The following KIF1A variants were observed in gnomAD, a reference collection of about 807,000 sequenced individuals.
The protein encoded by KIF1A is kinesin-like protein KIF1A.
Under a neutral mutation model 227.3 loss-of-function variants are expected in KIF1A, and 46 were observed. The observed-to-expected ratio is 0.20, with a 90% CI of 0.16 to 0.26. The LOEUF (loss-of-function observed/expected upper bound fraction) is 0.26, where lower values mean the gene tolerates loss of function less well. Ranked by LOEUF, KIF1A falls within the 10% of genes least tolerant of loss-of-function variation. The pLI, the probability that KIF1A is intolerant of heterozygous loss-of-function variation, is 1.00. For synonymous variants in KIF1A, 1,022 were observed against 1,012.8 expected (o/e 1.01, Z -0.17); for missense variants, 1,683 against 2,485.9 (o/e 0.68, Z 6.87).
chr2:240,715,574 T>A lies in KIF1A; in HGVS notation c.*1790A>T, dbSNP rs2044522291. 6.6e-6 allele frequency: 1 copy of A among 152,276 alleles called. No homozygotes were observed. Among genetic ancestry groups the A allele is most frequent in the African/African-American group, 2.4e-5 (1 of 41,406 alleles). 9.4% of individuals were successfully genotyped at this position (152,276 alleles called of 1,614,324 possible). On this transcript the variant is annotated 3_prime_UTR_variant, in exon 49 of 49. Coordinates refer to ENST00000498729, the MANE Select transcript of KIF1A (RefSeq NM_001244008.2). Reference sequence around the variant, plus strand: ...AGCCAGCATGGGCCCTGGCCTGCCCTGCACACCACTCTCGGAGATGGAACT... The same window carrying A: ...AGCCAGCATGGGCCCTGGCCTGCCCAGCACACCACTCTCGGAGATGGAACT...
chr2:240,715,900 C>T lies in KIF1A; in HGVS notation c.*1464G>A, dbSNP rs1023172162. ...CACGGGCCACGGCGGGAGAGGGGCTCTGTTGCTTGGCTACTGTCTTTCCTT... is the reference window on the plus strand; with the variant it reads ...CACGGGCCACGGCGGGAGAGGGGCTTTGTTGCTTGGCTACTGTCTTTCCTT... On this transcript the variant is annotated 3_prime_UTR_variant, in exon 49 of 49. Transcript: ENST00000498729. The T allele has an allele frequency of 6.6e-6, 1 of 152,332 alleles. No individual in the cohort carries two copies. Among genetic ancestry groups the T allele is most frequent in the East Asian group, 1.9e-4 (1 of 5,298 alleles). The allele number at this position is 152,332 out of a possible 1,614,324, so 9.4% of individuals were successfully genotyped here.
chr2:240,779,898 C>T (rs2053398738), intron 10 of KIF1A, among the ~76,000 whole-genome samples: 1 of 152,208 alleles, frequency 6.6e-6, no homozygotes, highest in South Asian at 2.1e-4. Context: ...CATGTTTCCC[C>T]CCAGGCCTCC....
Position 240,778,821 on chromosome 2 carries a change from C to T in KIF1A, c.883-2895G>A, listed in dbSNP as rs953147403. On this transcript the variant is annotated intron_variant, in intron 10 of 48. Transcript: ENST00000498729. This position sits in a 1 kb window ranked among gnomAD's most constrained non-coding sequence, Gnocchi z 7.2. ...GCTCCCCACGTTTCCCAAACAGCTC[C>T]TCCCGCCATGGCTCACACACTTCCT... Among the ~76,000 whole-genome samples the T allele has an allele frequency of 7.9e-5, 12 of 152,080 alleles. No individual in the cohort carries two copies. Among genetic ancestry groups the T allele is most frequent in the Admixed American group, 7.2e-4 (11 of 15,276 alleles).
intron 7 of KIF1A, among the ~76,000 whole-genome samples, chr2:240,784,521 C>T (rs538454900): frequency 2.0e-5 from 3 of 152,196 alleles, no homozygotes; most frequent in Non-Finnish European, 2.9e-5. Flanking sequence ...ATGTGCCTGG[C>T]GGACCTCCAG....
rs200623445 is a variant in KIF1A at position 240,719,724 on chromosome 2, C to G, written c.5021+50G>C. 4.0e-4 allele frequency: 595 copies of G among 1,469,552 alleles called. 1 individual carries two copies. The African/African-American group carries it at 7.5e-3, about 19-fold the overall frequency. 91.0% of individuals were successfully genotyped at this position (1,469,552 alleles called of 1,614,324 possible). ...GGGGAGCAGGGTGGCCTGCCTGTCC[C>G]CTGTCAGCACAGAGCTGGTGGCGGT... On this transcript the variant is annotated intron_variant, in intron 46 of 48. Coordinates refer to ENST00000498729, the MANE Select transcript of KIF1A (RefSeq NM_001244008.2).
At chr2:240,791,132 C>T (rs912466914) in intron 2 of KIF1A, among the ~76,000 whole-genome samples, 7 of 152,064 alleles carry the variant, frequency 4.6e-5, no homozygotes, top group Non-Finnish European at 1.0e-4. Context: ...GCCCTGTCCT[C>T]GGAGGTGAGA....
Position 240,725,872 on chromosome 2 carries a change from G to A in KIF1A, c.4123-468C>T, listed in dbSNP as rs1340122707. The A allele has an allele frequency of 6.3e-6, 1 of 158,618 alleles. No individual in the cohort carries two copies. The highest frequency in any genetic ancestry group is 1.4e-5 in the Non-Finnish European group (1 of 72,324). 9.8% of individuals were successfully genotyped at this position (158,618 alleles called of 1,614,324 possible). A position where few individuals can be genotyped will look rare whatever the true frequency, so the allele number is the denominator to read the frequency against. On this transcript the variant is annotated intron_variant, in intron 39 of 48. Transcript: ENST00000498729. This position sits in a 1 kb window ranked among gnomAD's most constrained non-coding sequence, Gnocchi z 5.8. The stretch of plus-strand genomic sequence containing the variant: ...GGCCCCTTTGTCTTCCTGAAGTGGG[G>A]GCAGCTGCTGTGCATGGCTGAAGAG...
chr2:240,742,897 T>C, intron 34 of KIF1A, 32 bp downstream of exon 34: 1 of 1,595,324 alleles, frequency 6.3e-7, no homozygotes, highest in Non-Finnish European at 8.6e-7. Context: ...GGGAGCTCAC[T>C]GCCCTGAGAC....
chr2:240,749,713 C>T (rs1004154378), intron 28 of KIF1A, among the ~76,000 whole-genome samples: 3 of 152,204 alleles, frequency 2.0e-5, no homozygotes, highest in South Asian at 2.1e-4. Context: ...CAACGGATCC[C>T]GTTTACATGT....
intron 1 of KIF1A, among the ~76,000 whole-genome samples, chr2:240,811,357 T>G (rs1481092153): frequency 6.6e-6 from 1 of 151,788 alleles, no homozygotes; most frequent in African/African-American, 2.4e-5. Context: ...AGCGTGAGAC[T>G]CCATCTCAAA....
In KIF1A at chr2:240,784,986, C is replaced by T. The variant is rs759856763; in HGVS notation, c.720+3G>A. 111 of 1,612,516 alleles carry T rather than the reference C, an allele frequency of 6.9e-5. No homozygotes were observed. The highest frequency in any genetic ancestry group is 9.2e-5 in the Non-Finnish European group (109 of 1,178,962). ...GGCACCGCCTGTGAGGCCACTCACT[C>T]ACCTTCTCCGTGGTGATATTGGTCT... On this transcript the variant is annotated splice_donor_region_variant and intron_variant, in intron 7 of 48. Coordinates refer to ENST00000498729, the MANE Select transcript of KIF1A (RefSeq NM_001244008.2).
At chr2:240,797,448 C>T (rs2056527194) in intron 2 of KIF1A, among the ~76,000 whole-genome samples, 199 bp downstream of exon 2, 1 of 152,298 alleles carries the variant, frequency 6.6e-6, no homozygotes, top group Admixed American at 6.5e-5. Flanking sequence ...CAGCTGTAAG[C>T]GTAAATCTCT....
intron 20 of KIF1A, among the ~76,000 whole-genome samples, chr2:240,763,751 C>A (rs1411635579): frequency 6.6e-6 from 1 of 152,228 alleles, no homozygotes; most frequent in Non-Finnish European, 1.5e-5. Flanking sequence ...CAGAGCACTG[C>A]TGCAGGGCAC....
chr2:240,750,532 C>T lies in KIF1A; in HGVS notation c.2874G>A (p.Leu958=), dbSNP rs1312600026. 2 of 1,613,622 alleles carry T rather than the reference C, an allele frequency of 1.2e-6. No individual in the cohort carries two copies. Among genetic ancestry groups the T allele is most frequent in the Admixed American group, 3.3e-5 (2 of 59,986 alleles). ...FSLVGRAFVY[L]SNLLYPVPLV... is the part of the protein sequence containing the mutation. ...GGGGAACGGGGTACAGCAGGTTGCTCAGGTACACGAAGGCCCTGGGGAGAA... is the reference window on the plus strand; with the variant it reads ...GGGGAACGGGGTACAGCAGGTTGCTTAGGTACACGAAGGCCCTGGGGAGAA... Residue 958 remains leucine (L), a synonymous_variant, in exon 28 of 49, where the codon CTG becomes CTA. Coordinates refer to ENST00000498729, the MANE Select transcript of KIF1A (RefSeq NM_001244008.2).
Position 240,789,728 on chromosome 2 carries a change from T to C in KIF1A, c.107-416A>G, listed in dbSNP as rs561534321. Among the ~76,000 whole-genome samples, 2 of 152,286 alleles carry C rather than the reference T, an allele frequency of 1.3e-5. No homozygotes were observed. Among genetic ancestry groups the C allele is most frequent in the South Asian group, 4.1e-4 (2 of 4,820 alleles). On this transcript the variant is annotated intron_variant, in intron 2 of 48. Transcript: ENST00000498729. This position sits in a 1 kb window ranked among gnomAD's most constrained non-coding sequence, Gnocchi z 4.8. ...TTTATGCTCCGGCTCAGCGTGCACGTGCCCGAGAAGCGCTGGAAGCCTGGG... is the reference window on the plus strand; with the variant it reads ...TTTATGCTCCGGCTCAGCGTGCACGCGCCCGAGAAGCGCTGGAAGCCTGGG...
chr2:240,717,468 C>T (rs2044695625), intron 48 of KIF1A, 62 bp from the exon 49 acceptor site: 15 of 1,511,142 alleles, frequency 9.9e-6, no homozygotes, highest in East Asian at 6.8e-5. Context: ...CCATATCCAC[C>T]GTGCCCTGCA....
At position 240,820,029 on chromosome 2, in the gene KIF1A, T is replaced by C. The variant is rs1370819315; in HGVS notation, c.-61+93A>G. The stretch of plus-strand genomic sequence containing the variant: ...CCGGAGCTCCCCGCCCTGGGCGCAG[T>C]GGGTGCAGGTGCGGGCTGCGGGCGC... On this transcript the variant is annotated intron_variant, in intron 1 of 48. Coordinates refer to ENST00000498729, the MANE Select transcript of KIF1A (RefSeq NM_001244008.2). The surrounding 1 kb of genome is among the most constrained non-coding windows in gnomAD (Gnocchi z 6.2). The C allele has an allele frequency of 6.6e-6, 1 of 151,694 alleles. No homozygotes were observed. The highest frequency in any genetic ancestry group is 2.4e-5 in the African/African-American group (1 of 41,182). 9.4% of individuals were successfully genotyped at this position (151,694 alleles called of 1,614,324 possible). A position where few individuals can be genotyped will look rare whatever the true frequency, so the allele number is the denominator to read the frequency against.
rs1003840709 is a variant in KIF1A, at chr2:240,736,713, C to T, written c.4007+350G>A. Among the ~76,000 whole-genome samples the T allele has an allele frequency of 6.6e-6, 1 of 152,256 alleles. No homozygotes were observed. Among genetic ancestry groups the T allele is most frequent in the African/African-American group, 2.4e-5 (1 of 41,472 alleles). On this transcript the variant is annotated intron_variant, in intron 38 of 48. Coordinates refer to ENST00000498729, the MANE Select transcript of KIF1A (RefSeq NM_001244008.2). The surrounding 1 kb of genome is among the most constrained non-coding windows in gnomAD (Gnocchi z 4.7). ...CTGCCAGAGGCCACTGACTCATCCA[C>T]AGCAGCATGGTCCTTGGACATACAG...
intron 28 of KIF1A, among the ~76,000 whole-genome samples, chr2:240,748,330 G>A (rs1026241673): frequency 4.6e-5 from 7 of 152,168 alleles, no homozygotes; most frequent in African/African-American, 7.2e-5. Context: ...GCTTGAACTC[G>A]GATCCTGGGA....
Sources: gnomAD v4.1 joint callset for allele counts (sites outside exome capture counted in the v4.1 genomes callset) on GRCh38, gnomAD v4.1.1 for gene constraint, Gnocchi (gnomAD v3.1) non-coding constraint, MANE v1.5 for transcripts, NCBI Gene and HGNC (gene_info 2026-07-23, HGNC 2026-07-21) for gene names.